RRAGB: variants seen among roughly 807,000 people sequenced by gnomAD.
The protein encoded by RRAGB is ras-related GTP-binding protein B.
A neutral mutation model predicts 29.3 loss-of-function variants in RRAGB; 6 were observed. The observed-to-expected ratio is 0.21, with a 90% CI of 0.11 to 0.40. The LOEUF (loss-of-function observed/expected upper bound fraction) is 0.40. RRAGB is among the 10% of genes least tolerant of loss of function. The pLI is 1.00. For synonymous variants in RRAGB, 101 were observed against 92.5 expected (o/e 1.09, Z -0.53); for missense variants, 184 against 272.9 (o/e 0.67, Z 2.29).
intron 5 of RRAGB, among the ~76,000 whole-genome samples, chrX:55,748,921 G>GC (rs1379512075): frequency 8.3e-5 from 8 of 96,562 alleles, no homozygotes; most frequent in African/African-American, 3.2e-4. Context: ...GGGGGGGTCA[G>GC]CCCCCCGCCC....
chrX:55,739,144 T>C (rs752116343), intron 5 of RRAGB, among the ~76,000 whole-genome samples: 2 of 113,006 alleles, frequency 1.8e-5, no homozygotes, highest in South Asian at 7.3e-4. Flanking sequence ...CAGTCTTTGT[T>C]AAGAATGCAA....
chrX:55,730,391 A>G (rs1000726616), intron 4 of RRAGB, among the ~76,000 whole-genome samples: 2 of 112,234 alleles, frequency 1.8e-5, no homozygotes, highest in African/African-American at 6.5e-5. Context: ...GCTTTTAGGC[A>G]CTAAGATGTG....
intron 5 of RRAGB, among the ~76,000 whole-genome samples, chrX:55,747,935 C>T (rs1390971393): frequency 1.8e-5 from 2 of 110,463 alleles, no homozygotes; most frequent in Non-Finnish European, 3.8e-5. Context: ...CTGGACTGTA[C>T]TGCTGCCATC....
At chrX:55,750,830 A>T (rs2034502349) in intron 5 of RRAGB, among the ~76,000 whole-genome samples, 1 of 111,417 alleles carries the variant, frequency 9.0e-6, no homozygotes, top group South Asian at 3.8e-4. Flanking sequence ...TTTTATTAAG[A>T]CTCCTCTGTA....
intron 5 of RRAGB, among the ~76,000 whole-genome samples, chrX:55,740,138 C>T (rs781116099): frequency 4.5e-5 from 5 of 110,995 alleles, no homozygotes; most frequent in Non-Finnish European, 7.6e-5. Context: ...CTGGCTAATA[C>T]GGTGAAACCC....
At chrX:55,740,034 T>G (rs2034000988) in intron 5 of RRAGB, among the ~76,000 whole-genome samples, 1 of 112,220 alleles carries the variant, frequency 8.9e-6, no homozygotes, top group African/African-American at 3.2e-5. Flanking sequence ...AAAATAATTG[T>G]GATTTTGCCG....
At position 55,729,296 on chromosome X, in the gene RRAGB, G is replaced by C; in HGVS notation, c.229G>C (p.Asp77His). 1 of 1,181,966 alleles carries C rather than the reference G, an allele frequency of 8.5e-7. No individual in the cohort carries two copies. The highest frequency in any genetic ancestry group is 1.1e-6 in the Non-Finnish European group (1 of 869,803). The change falls in exon 4 of 10, where the codon GAT (aspartate) becomes CAT (histidine). Residue 77 changes from aspartate to histidine, a missense_variant and splice_region_variant. By Grantham distance (81) the Asp-to-His change is moderately conservative. Coordinates refer to ENST00000374941, the MANE Select transcript of RRAGB (RefSeq NM_006064.5). ...GATTTGTCATATTTGTCTTCCAGTT[G>C]ATGTAGAACATTCTCATGTTCGATT... ...RDTRRLGATIDVEHSHVRFLG... is the reference protein window; with the variant it reads ...RDTRRLGATIHVEHSHVRFLG...
chrX:55,738,041 G>A (rs181336442), intron 5 of RRAGB, among the ~76,000 whole-genome samples: 37 of 112,605 alleles, frequency 3.3e-4, no homozygotes, highest in African/African-American at 1.2e-3. Flanking sequence ...GCAAGGGCCA[G>A]AGAGGCCAAG....
intron 5 of RRAGB, among the ~76,000 whole-genome samples, chrX:55,732,330 G>A (rs1304734696): frequency 1.8e-5 from 2 of 111,949 alleles, no homozygotes; most frequent in Non-Finnish European, 3.8e-5. Context: ...AGTTTGCTCA[G>A]TATAAAATAA....
At chrX:55,753,853 T>C (rs2034588383) in intron 7 of RRAGB, among the ~76,000 whole-genome samples, 8 of 111,995 alleles carry the variant, frequency 7.1e-5, no homozygotes, top group Middle Eastern at 4.6e-3. Context: ...GAGACCAGCC[T>C]GACCAACATG....
intron 7 of RRAGB, 45 bp from the exon 8 acceptor site, chrX:55,755,796 G>GC (rs1715719812): frequency 8.6e-7 from 1 of 1,165,240 alleles, no homozygotes. Context: ...AGAGGATGAT[G>GC]TAACTATTTT....
chrX:55,722,317 T>C (rs1314912384), intron 3 of RRAGB, 32 bp downstream of exon 3: 1 of 943,325 alleles, frequency 1.1e-6, no homozygotes, highest in Non-Finnish European at 1.5e-6. Context: ...TAAAGTCAGG[T>C]GATCTTAACT....
chrX:55,747,093 G>A (rs908918749), intron 5 of RRAGB, among the ~76,000 whole-genome samples: 1 of 111,944 alleles, frequency 8.9e-6, no homozygotes, highest in East Asian at 2.8e-4. Context: ...GAGGGGTAGT[G>A]GGAGTGAATC....
chrX:55,751,213 G>C lies in RRAGB; in HGVS notation c.612+17G>C. 1 of 915,321 alleles carries C rather than the reference G, an allele frequency of 1.1e-6. No homozygotes were observed. Among genetic ancestry groups the C allele is most frequent in the Non-Finnish European group, 1.6e-6 (1 of 644,925 alleles). 75.4% of individuals were successfully genotyped at this position (915,321 alleles called of 1,213,427 possible). A position where few individuals can be genotyped will look rare whatever the true frequency, so the allele number is the denominator to read the frequency against. On this transcript the variant is annotated intron_variant, in intron 6 of 9. Coordinates refer to ENST00000374941, the MANE Select transcript of RRAGB (RefSeq NM_006064.5). The stretch of plus-strand genomic sequence containing the variant: ...CTCTATAAGGTGTGTATGTCTCCCT[G>C]AGTTCCCTCATTTTAAGAGCATGAA...
At chrX:55,749,635 T>C (rs2471815) in intron 5 of RRAGB, among the ~76,000 whole-genome samples, 54,927 of 99,886 alleles carry the variant, frequency 0.55, 12,854 homozygotes, top group East Asian at 0.75. Context: ...GGATGGTTGC[T>C]GTGTCTGTGT....
chrX:55,741,802 T>G (rs1417122940), intron 5 of RRAGB, among the ~76,000 whole-genome samples: 4 of 112,154 alleles, frequency 3.6e-5, no homozygotes, highest in African/African-American at 1.3e-4. Flanking sequence ...ATCTGAAAAC[T>G]ACCTTCACAG....
chrX:55,733,336 A>G (rs2033748488), intron 5 of RRAGB, among the ~76,000 whole-genome samples: 1 of 112,230 alleles, frequency 8.9e-6, no homozygotes, highest in East Asian at 2.8e-4. Context: ...TTCTAGTACT[A>G]TGTTGAATAG....
In RRAGB at chrX:55,718,067, C is replaced by G. The variant is rs1337498390; in HGVS notation, c.-261C>G. 5 of 259,172 alleles carry G rather than the reference C, an allele frequency of 1.9e-5. No individual in the cohort carries two copies. The highest frequency in any genetic ancestry group is 3.4e-5 in the Non-Finnish European group (5 of 145,777). The allele number at this position is 259,172 out of a possible 1,213,427, so 21.4% of individuals were successfully genotyped here. On this transcript the variant is annotated 5_prime_UTR_variant, in exon 1 of 10. Coordinates refer to ENST00000374941, the MANE Select transcript of RRAGB (RefSeq NM_006064.5). ...TCTCTTTTCCTGTCATTCTCCAACTCTTACTTTGTACCACGGAATCACTTG... is the reference window on the plus strand; with the variant it reads ...TCTCTTTTCCTGTCATTCTCCAACTGTTACTTTGTACCACGGAATCACTTG...
intron 5 of RRAGB, among the ~76,000 whole-genome samples, chrX:55,748,641 C>A (rs191624753): frequency 9.1e-6 from 1 of 110,291 alleles, no homozygotes; most frequent in Non-Finnish European, 1.9e-5. Context: ...GCAACCGCCC[C>A]GCCTGAGAAG....
Sources: allele counts gnomAD v4.1 joint callset (sites outside exome capture counted in the v4.1 genomes callset), GRCh38; gene constraint gnomAD v4.1.1; transcripts MANE v1.5; gene names NCBI Gene and HGNC (gene_info 2026-07-23, HGNC 2026-07-21).